Variants in PSD3 observed in about 807,000 individuals in gnomAD.
PSD3 encodes pleckstrin and Sec7 domain containing 3.
Under a neutral mutation model 105.5 loss-of-function variants are expected in PSD3, and 49 were observed. That is an observed-to-expected ratio of 0.46 (90% CI 0.37 to 0.59). The LOEUF (loss-of-function observed/expected upper bound fraction) is 0.59, where lower values mean the gene tolerates loss of function less well. Ranked by LOEUF, PSD3 falls within the 20% of genes least tolerant of loss-of-function variation. The probability of loss-of-function intolerance (pLI) is 0.00; values close to 1 mark genes in which losing one functional copy is unlikely to be tolerated. For synonymous variants in PSD3, 557 were observed against 457.8 expected, an observed-to-expected ratio of 1.22 and a Z score of -2.77; for missense variants, 1,561 against 1,263.8, an observed-to-expected ratio of 1.24 and a Z score of -3.57.
intron 1 of PSD3, among the ~76,000 whole-genome samples, chr8:19,043,359 C>T (rs1019092477): frequency 6.6e-6 from 1 of 152,188 alleles, no homozygotes; most frequent in Non-Finnish European, 1.5e-5. Flanking sequence ...ACAACTCTCT[C>T]GTCTGTTAGT....
chr8:18,796,171 C>G (rs895345814), intron 8 of PSD3, among the ~76,000 whole-genome samples: 1 of 71,606 alleles, frequency 1.4e-5, no homozygotes, highest in African/African-American at 3.1e-5. Flanking sequence ...GAATTCTCCC[C>G]CCAAATATTG....
chr8:18,583,124 C>A (rs1325011833), intron 12 of PSD3, among the ~76,000 whole-genome samples: 1 of 152,130 alleles, frequency 6.6e-6, no homozygotes, highest in Non-Finnish European at 1.5e-5. Flanking sequence ...CCGCATCTGA[C>A]CCAGATTGAT....
intron 9 of PSD3, among the ~76,000 whole-genome samples, chr8:18,722,204 G>C (rs1379222870): frequency 6.6e-6 from 1 of 151,962 alleles, no homozygotes; most frequent in Non-Finnish European, 1.5e-5. Flanking sequence ...GGAGGTGGGA[G>C]TAATATGTCA....
At chr8:18,668,281 G>C (rs767921311) in intron 9 of PSD3, among the ~76,000 whole-genome samples, 1 of 152,242 alleles carries the variant, frequency 6.6e-6, no homozygotes, top group Non-Finnish European at 1.5e-5. Flanking sequence ...GAAACAGTAA[G>C]AATCACTGAA....
intron 2 of PSD3, among the ~76,000 whole-genome samples, chr8:18,892,692 T>A (rs887469850): frequency 3.3e-5 from 5 of 151,194 alleles, no homozygotes; most frequent in Non-Finnish European, 5.9e-5. Flanking sequence ...TGGCGTCATC[T>A]TGGCTCACTG....
intron 9 of PSD3, among the ~76,000 whole-genome samples, chr8:18,751,387 G>A (rs547918463): frequency 2.6e-4 from 40 of 152,338 alleles, no homozygotes; most frequent in African/African-American, 8.9e-4. Flanking sequence ...CATCACCAGA[G>A]GAAGTTAGAA....
intron 1 of PSD3, among the ~76,000 whole-genome samples, chr8:18,936,741 G>C (rs1586472312): frequency 6.7e-6 from 1 of 149,168 alleles, no homozygotes; most frequent in African/African-American, 2.5e-5. Flanking sequence ...CTGGGTGACA[G>C]AGCTAGACTC....
intron 12 of PSD3, among the ~76,000 whole-genome samples, chr8:18,580,504 C>T (rs28493859): frequency 2.6e-5 from 4 of 152,050 alleles, no homozygotes; most frequent in East Asian, 1.9e-4. Flanking sequence ...GAACTGTGAT[C>T]GCACCACTGT....
chr8:18,829,717 G>A (rs760665221), intron 4 of PSD3, among the ~76,000 whole-genome samples: 2 of 152,050 alleles, frequency 1.3e-5, no homozygotes, highest in East Asian at 1.9e-4. Flanking sequence ...TCACAATCTC[G>A]TAGCACTGTT....
intron 1 of PSD3, among the ~76,000 whole-genome samples, chr8:18,993,993 A>C (rs1825936805): frequency 6.6e-6 from 1 of 152,006 alleles, no homozygotes; most frequent in Admixed American, 6.6e-5. Context: ...CTGAGAAGGC[A>C]GTCTGGCACA....
chr8:18,796,198 T>G (rs1810161818), intron 8 of PSD3, among the ~76,000 whole-genome samples: 1 of 152,176 alleles, frequency 6.6e-6, no homozygotes, highest in African/African-American at 2.4e-5. Context: ...CTTCAGATTG[T>G]TTTTTATCTA....
rs1829279450 is a variant in PSD3 at position 19,071,951 on chromosome 8, CCACTCG to C, written c.324+12249_324+12254del. On this transcript the variant is annotated intron_variant, in intron 1 of 1. Transcript: ENST00000521475. ...TCTGGAACTCCTGACCTCAGGCAAT[CCACTCG>C]CCTCGGCCTCCCAAAGTGCTGGGAT... Among the ~76,000 whole-genome samples the C allele has an allele frequency of 2.6e-5, 4 of 152,260 alleles. No homozygotes were observed. In the South Asian group the frequency reaches 8.3e-4, roughly 32 times the overall value.
chr8:18,655,710 C>A (rs10087662), intron 9 of PSD3, 25 bp from the exon 10 acceptor site: 163,148 of 1,603,196 alleles, frequency 0.1, 9,880 homozygotes, highest in African/African-American at 0.27. Flanking sequence ...AATGAGATCA[C>A]ATTATTCTTT....
At chr8:18,978,104 T>C (rs1039889508) in intron 1 of PSD3, among the ~76,000 whole-genome samples, 47 of 152,278 alleles carry the variant, frequency 3.1e-4, no homozygotes, top group Middle Eastern at 6.8e-3. Context: ...TAGGGAGGAA[T>C]TTGAAAGCCA....
intron 8 of PSD3, among the ~76,000 whole-genome samples, chr8:18,773,127 T>C (rs894788874): frequency 3.3e-5 from 5 of 152,212 alleles, no homozygotes; most frequent in Non-Finnish European, 4.4e-5. Context: ...CCTATGTTTT[T>C]TCTCAGGATT....
chr8:18,696,829 T>C (rs966575017), intron 9 of PSD3, among the ~76,000 whole-genome samples: 1 of 152,192 alleles, frequency 6.6e-6, no homozygotes, highest in African/African-American at 2.4e-5. Context: ...TAGAAGTCTA[T>C]AAAAGCCACA....
chr8:18,883,390 A>G (rs914431200), intron 2 of PSD3, among the ~76,000 whole-genome samples: 1 of 152,158 alleles, frequency 6.6e-6, no homozygotes, highest in Non-Finnish European at 1.5e-5. Context: ...CCCTCAAATT[A>G]CCAAGTAACC....
chr8:19,055,363 C>A (rs1232377041), intron 1 of PSD3, among the ~76,000 whole-genome samples: 1 of 151,776 alleles, frequency 6.6e-6, no homozygotes, highest in Non-Finnish European at 1.5e-5. Flanking sequence ...AAGTGATTGT[C>A]CTGCCTCAGC....
chr8:18,765,062 G>A (rs570816424), intron 9 of PSD3, among the ~76,000 whole-genome samples: 15 of 152,106 alleles, frequency 9.9e-5, no homozygotes, highest in Admixed American at 3.9e-4. Context: ...CTGAGACTAG[G>A]GATTGAACAC....
Sources: allele counts gnomAD v4.1 joint callset (sites outside exome capture counted in the v4.1 genomes callset), GRCh38; gene constraint gnomAD v4.1.1; transcripts MANE v1.5; gene names NCBI Gene and HGNC (gene_info 2026-07-23, HGNC 2026-07-21).